TMEM260: variants seen among roughly 807,000 people sequenced by gnomAD.
TMEM260 encodes protein O-mannosyl-transferase TMEM260.
Under a neutral mutation model 88.9 loss-of-function variants are expected in TMEM260, and 82 were observed. That is an observed-to-expected ratio of 0.92 (90% CI 0.77 to 1.11). TMEM260 has a LOEUF of 1.11. TMEM260 is among the 50% of genes least tolerant of loss of function. TMEM260 has a pLI of 0.00. For missense variants in TMEM260, 902 were observed against 853.4 expected (o/e 1.06, Z -0.71); for synonymous variants, 314 against 309.3 (o/e 1.02, Z -0.16).
intron 5 of TMEM260, among the ~76,000 whole-genome samples, chr14:56,607,356 T>G (rs1248662173): frequency 1.3e-5 from 2 of 152,218 alleles, no homozygotes; most frequent in African/African-American, 4.8e-5. Context: ...GAGTTGATAA[T>G]TTCAGAGCCT....
At chr14:56,625,949 C>T (rs1266628411) in intron 12 of TMEM260, among the ~76,000 whole-genome samples, 4 of 152,124 alleles carry the variant, frequency 2.6e-5, no homozygotes, top group African/African-American at 7.2e-5. Context: ...AAGGATAAGA[C>T]ATTTTTATAA....
At chr14:56,585,135 AC>A (rs1885408210) in intron 2 of TMEM260, 103 bp downstream of exon 2, 2 of 1,097,524 alleles carry the variant, frequency 1.8e-6, no homozygotes, top group East Asian at 2.4e-5. Context: ...TTATTTTCAA[AC>A]CCCCGTTTTT....
chr14:56,632,910 A>G (rs1005414829), intron 12 of TMEM260, 85 bp from the exon 13 acceptor site: 9 of 1,314,538 alleles, frequency 6.8e-6, no homozygotes, highest in Admixed American at 2.3e-5. Context: ...GAAAAAATCT[A>G]AAAATGATCT....
chr14:56,585,152 C>A, intron 2 of TMEM260, 120 bp downstream of exon 2: 1 of 843,948 alleles, frequency 1.2e-6, no homozygotes, highest in Non-Finnish European at 1.8e-6. Context: ...TTTTTAGTAA[C>A]TTATAAGTAC....
At chr14:56,596,560 A>G (rs7152925) in intron 3 of TMEM260, among the ~76,000 whole-genome samples, 41,792 of 150,008 alleles carry the variant, frequency 0.28, 6,679 homozygotes, top group Non-Finnish European at 0.38. Context: ...TGAGGTCAGG[A>G]GTTCAAGACT....
chr14:56,648,983 T>C lies in TMEM260; in HGVS notation c.*1486T>C, dbSNP rs1490339659. 1 of 152,652 alleles carries C rather than the reference T, an allele frequency of 6.6e-6. No individual in the cohort carries two copies. The highest frequency in any genetic ancestry group is 2.4e-5 in the African/African-American group (1 of 41,454). The allele number at this position is 152,652 out of a possible 1,614,324, so 9.5% of individuals were successfully genotyped here. ...AGCTGAAGTTTCATTACCTGATCCA[T>C]GGGGCTTTGTTGGTTTTGGCATCAC... On this transcript the variant is annotated 3_prime_UTR_variant, in exon 16 of 16. Coordinates refer to ENST00000261556, the MANE Select transcript of TMEM260 (RefSeq NM_017799.4).
At chr14:56,599,887 C>G (rs1468519469) in intron 3 of TMEM260, among the ~76,000 whole-genome samples, 1 of 152,108 alleles carries the variant, frequency 6.6e-6, no homozygotes, top group Admixed American at 6.5e-5. Flanking sequence ...ATTGTTTAAA[C>G]TGTCTGTCAT....
rs2274707 is a variant in TMEM260, at chr14:56,625,313, A to T, written c.1399-69A>T. ...AAAAGTAATTTAGGTTTTTGCCATT[A>T]CTTGATAAACTTGATTCTTTCTAAG... On this transcript the variant is annotated intron_variant, in intron 11 of 15. Coordinates refer to ENST00000261556, the MANE Select transcript of TMEM260 (RefSeq NM_017799.4). 12,293 of 1,521,036 alleles carry T rather than the reference A, an allele frequency of 8.1e-3. 336 individuals carry two copies. The East Asian group carries it at 0.083, about 10-fold the overall frequency. 94.2% of individuals were successfully genotyped at this position (1,521,036 alleles called of 1,614,324 possible).
intron 3 of TMEM260, among the ~76,000 whole-genome samples, chr14:56,591,721 G>C (rs764804195): frequency 6.6e-6 from 1 of 152,120 alleles, no homozygotes; most frequent in African/African-American, 2.4e-5. Flanking sequence ...TTTAAACCAG[G>C]CTGTACCATT....
chr14:56,598,132 ACT>A (rs1336303077), intron 3 of TMEM260, among the ~76,000 whole-genome samples: 6 of 151,954 alleles, frequency 3.9e-5, no homozygotes, highest in Admixed American at 3.9e-4. Flanking sequence ...GGATAAAGTG[ACT>A]CTAGCCACCT....
At chr14:56,587,274 CAT>C (rs952293305) in intron 3 of TMEM260, among the ~76,000 whole-genome samples, 7 of 151,844 alleles carry the variant, frequency 4.6e-5, no homozygotes, top group Non-Finnish European at 7.4e-5. Flanking sequence ...ATTTATGTAA[CAT>C]AGACATATAT....
intron 3 of TMEM260, among the ~76,000 whole-genome samples, chr14:56,599,101 G>A (rs991228414): frequency 4.6e-5 from 7 of 151,972 alleles, no homozygotes; most frequent in Admixed American, 1.3e-4. Context: ...CACTGTCTGC[G>A]GTGTAATTGG....
chr14:56,614,071 G>A (rs962019137), intron 7 of TMEM260, among the ~76,000 whole-genome samples: 2 of 151,474 alleles, frequency 1.3e-5, no homozygotes, highest in Admixed American at 6.6e-5. Flanking sequence ...ACCACGCCCA[G>A]CTGATTTTTG....
intron 3 of TMEM260, among the ~76,000 whole-genome samples, chr14:56,596,806 T>TAC (rs199983561): frequency 2.1e-5 from 3 of 144,266 alleles, no homozygotes; most frequent in East Asian, 2.0e-4. Flanking sequence ...TATATATATA[T>TAC]ACACACACAC....
the TMEM260 span, among the ~76,000 whole-genome samples, chr14:56,657,788 C>T: frequency 6.6e-6 from 1 of 152,284 alleles, no homozygotes; most frequent in South Asian, 2.1e-4. Flanking sequence ...TTGCTGAATC[C>T]ACAAAGGGCT....
In TMEM260 at chr14:56,614,709, C is replaced by T. The variant is rs1047489039; in HGVS notation, c.858-1235C>T. 3.4e-5 allele frequency among the ~76,000 whole-genome samples: 5 copies of T among 148,954 alleles called. No homozygotes were observed. The East Asian group carries it at 8.2e-4, about 24-fold the overall frequency. ...AAAAAAGACTTGACAAAAGTGATGACCACTCACACCCACACTTCTGTGTTC... is the reference window on the plus strand; with the variant it reads ...AAAAAAGACTTGACAAAAGTGATGATCACTCACACCCACACTTCTGTGTTC... On this transcript the variant is annotated intron_variant, in intron 7 of 15. Transcript: ENST00000261556.
At chr14:56,605,507 T>C (rs1886839953) in intron 4 of TMEM260, 63 bp from the exon 5 acceptor site, 2 of 911,542 alleles carry the variant, frequency 2.2e-6, no homozygotes, top group Non-Finnish European at 3.3e-6. Context: ...AATGGCTTTT[T>C]ATTATGTTCT....
intron 1 of TMEM260, 112 bp downstream of exon 1, chr14:56,580,186 C>T (rs922611387): frequency 8.3e-6 from 7 of 844,122 alleles, no homozygotes; most frequent in Non-Finnish European, 1.1e-5. Context: ...TCTGGGCCTC[C>T]ATCCACCCCC....
intron 8 of TMEM260, 140 bp from the exon 9 acceptor site, chr14:56,617,043 A>G: frequency 2.1e-6 from 1 of 474,576 alleles, no homozygotes; most frequent in Non-Finnish European, 3.6e-6. Context: ...TTCAACTCAG[A>G]TTTTAAAAAC....
Sources: allele counts gnomAD v4.1 joint callset (sites outside exome capture counted in the v4.1 genomes callset), GRCh38; gene constraint gnomAD v4.1.1; transcripts MANE v1.5; gene names NCBI Gene and HGNC (gene_info 2026-07-23, HGNC 2026-07-21).